Variants in MED14 observed in about 807,000 individuals in gnomAD.
The protein encoded by MED14 is mediator complex subunit 14.
Under a neutral mutation model 109.0 loss-of-function variants are expected in MED14, and 8 were observed. The observed-to-expected ratio is 0.07, with a 90% CI of 0.04 to 0.13. The LOEUF (loss-of-function observed/expected upper bound fraction) is 0.13. MED14 is among the 10% of genes least tolerant of loss of function. MED14 has a pLI of 1.00. For missense variants in MED14, 711 were observed against 1,142.4 expected (o/e 0.62, Z 5.44); for synonymous variants, 399 against 408.7 (o/e 0.98, Z 0.29).
intron 10 of MED14, among the ~76,000 whole-genome samples, chrX:40,707,230 CAATT>C (rs1931184693): frequency 8.9e-6 from 1 of 111,946 alleles, no homozygotes; most frequent in Admixed American, 9.5e-5. Context: ...GGTGACAAGA[CAATT>C]AAACAGGAGA....
intron 3 of MED14, among the ~76,000 whole-genome samples, chrX:40,720,655 C>T (rs1160647031): frequency 1.8e-5 from 2 of 110,921 alleles, no homozygotes; most frequent in East Asian, 5.7e-4. Flanking sequence ...CCTAGGGATA[C>T]ACCCGCTGGG....
At chrX:40,659,098 TA>T in intron 28 of MED14, 128 bp downstream of exon 28, 1 of 372,793 alleles carries the variant, frequency 2.7e-6, no homozygotes. Flanking sequence ...AAATTTAAGT[TA>T]AAAATTAAGA....
upstream of MED14, chrX:40,735,775 G>A (rs1194538503): frequency 8.1e-6 from 3 of 369,714 alleles, no homozygotes; most frequent in Non-Finnish European, 1.5e-5. Context: ...GGGACCTGCA[G>A]AGGACCTTCC....
intron 12 of MED14, among the ~76,000 whole-genome samples, chrX:40,697,831 C>A (rs73471369): frequency 0.02 from 2,211 of 111,978 alleles, 49 homozygotes; most frequent in African/African-American, 0.069. Flanking sequence ...TCATGATCAG[C>A]AGACTTGCCT....
chrX:40,654,925 TG>T lies in MED14; in HGVS notation c.4098+9del. On this transcript the variant is annotated intron_variant, in intron 29 of 30. Transcript: ENST00000324817. ...GCTCTGTACATGCACACATGCTGGG[TG>T]GTACTTACAAAAAATAGCATTTTGG... The T allele has an allele frequency of 8.3e-7, 1 of 1,204,741 alleles. No homozygotes were observed. Among genetic ancestry groups the T allele is most frequent in the Middle Eastern group, 2.3e-4 (1 of 4,344 alleles).
intron 22 of MED14, among the ~76,000 whole-genome samples, chrX:40,674,310 A>T (rs1213261655): frequency 1.8e-5 from 2 of 111,926 alleles, no homozygotes. Context: ...CAGGAACAAT[A>T]CAGCTTCCAC....
intron 23 of MED14, 115 bp from the exon 24 acceptor site, chrX:40,666,966 T>C (rs1929515334): frequency 3.2e-6 from 2 of 618,481 alleles, no homozygotes; most frequent in Admixed American, 4.2e-5. Context: ...ATAGCTCCCA[T>C]ATATATAACA....
In MED14 at chrX:40,650,382, TTTGATAG is replaced by T; in HGVS notation, c.*1417_*1423del. ...TACAGTGAGATACTTGAAACTAGAATTTGATAGTTGATAGTTATAGAAGCTCAATTAA... is the reference window on the plus strand; with the variant it reads ...TACAGTGAGATACTTGAAACTAGAATTTGATAGTTATAGAAGCTCAATTAA... On this transcript the variant is annotated 3_prime_UTR_variant, in exon 31 of 31. Coordinates refer to ENST00000324817, the MANE Select transcript of MED14 (RefSeq NM_004229.4). 1 of 751,529 alleles carries T rather than the reference TTTGATAG, an allele frequency of 1.3e-6. No homozygotes were observed. The allele number at this position is 751,529 out of a possible 1,213,427, so 61.9% of individuals were successfully genotyped here.
At chrX:40,655,625 CA>C (rs1929028552) in intron 28 of MED14, among the ~76,000 whole-genome samples, 1 of 112,337 alleles carries the variant, frequency 8.9e-6, no homozygotes, top group Non-Finnish European at 1.9e-5. Context: ...TTTGCCTAAA[CA>C]AACTAGTCAA....
intron 2 of MED14, among the ~76,000 whole-genome samples, chrX:40,727,637 C>T (rs1249894853): frequency 9.0e-6 from 1 of 111,704 alleles, no homozygotes; most frequent in Non-Finnish European, 1.9e-5. Flanking sequence ...AGCTATAAAA[C>T]TGATAATCAT....
chrX:40,692,471 G>A (rs1930558428), intron 14 of MED14, among the ~76,000 whole-genome samples, 154 bp from the exon 15 acceptor site: 1 of 111,559 alleles, frequency 9.0e-6, no homozygotes, highest in South Asian at 3.7e-4. Flanking sequence ...CCTAAACACT[G>A]GTAATTTATT....
chrX:40,705,801 C>A (rs138238720), intron 10 of MED14, among the ~76,000 whole-genome samples: 3 of 111,345 alleles, frequency 2.7e-5, no homozygotes, highest in Non-Finnish European at 5.7e-5. Context: ...GATCATGATG[C>A]CCTGATTATA....
intron 3 of MED14, 66 bp from the exon 4 acceptor site, chrX:40,714,776 G>A: frequency 1.0e-6 from 1 of 966,626 alleles, no homozygotes; most frequent in South Asian, 2.8e-5. Context: ...ACTAAATATT[G>A]TTAAATCATT....
At position 40,713,899 on chromosome X, in the gene MED14, A is replaced by G; in HGVS notation, c.531T>C (p.Ile177=). ...PRLPTCIRDK[I]IPPDPITKIE... is the part of the protein sequence containing the mutation. ...TTTTGGTAATTGGGTCTGGAGGAATAATTTTGTCCTGCAAAAAAATTTAAG... is the reference window on the plus strand; with the variant it reads ...TTTTGGTAATTGGGTCTGGAGGAATGATTTTGTCCTGCAAAAAAATTTAAG... Residue 177 remains isoleucine, a synonymous_variant, in exon 5 of 31, where the codon ATT becomes ATC. Transcript: ENST00000324817. 8.3e-7 allele frequency: 1 copy of G among 1,201,217 alleles called. No individual in the cohort carries two copies. Among genetic ancestry groups the G allele is most frequent in the Non-Finnish European group, 1.1e-6 (1 of 891,246 alleles).
chrX:40,725,008 G>A (rs762373231), intron 3 of MED14, among the ~76,000 whole-genome samples: 2,474 of 111,356 alleles, frequency 0.022, 20 homozygotes, highest in Middle Eastern at 0.042. Context: ...GAAATTCAAA[G>A]GATCATTAGT....
intron 1 of MED14, among the ~76,000 whole-genome samples, chrX:40,734,044 C>CA (rs1932168315): frequency 8.9e-6 from 1 of 111,999 alleles, no homozygotes; most frequent in African/African-American, 3.2e-5. Flanking sequence ...TATGGAAAAG[C>CA]AAATTACACC....
chrX:40,691,305 A>AC, intron 15 of MED14, among the ~76,000 whole-genome samples: 1 of 112,281 alleles, frequency 8.9e-6, no homozygotes, highest in Non-Finnish European at 1.9e-5. Context: ...TCCCGGTTTT[A>AC]CTAGGGCTTA....
intron 12 of MED14, among the ~76,000 whole-genome samples, chrX:40,700,123 C>T (rs777268539): frequency 2.8e-4 from 30 of 109,035 alleles, no homozygotes; most frequent in South Asian, 1.6e-3. Context: ...CACTCCAGCC[C>T]GGGCAAGAGA....
In MED14 at chrX:40,695,460, G is replaced by A. The variant is rs772944155; in HGVS notation, c.1650+1564C>T. 5.4e-5 allele frequency among the ~76,000 whole-genome samples: 6 copies of A among 112,102 alleles called. No homozygotes were observed. The South Asian group carries it at 1.5e-3, about 28-fold the overall frequency. On this transcript the variant is annotated intron_variant, in intron 13 of 30. Transcript: ENST00000324817. Reference sequence around the variant, plus strand: ...CCCCTAAGTGATAAATCTAGAGGACGAGGAATAATCTACATTCAGTTTTGG... The same window carrying A: ...CCCCTAAGTGATAAATCTAGAGGACAAGGAATAATCTACATTCAGTTTTGG...
Sources: gnomAD v4.1 joint callset for allele counts (sites outside exome capture counted in the v4.1 genomes callset) on GRCh38, gnomAD v4.1.1 for gene constraint, MANE v1.5 for transcripts, NCBI Gene and HGNC (gene_info 2026-07-23, HGNC 2026-07-21) for gene names.